Variants in OSBPL6 observed in about 807,000 individuals in gnomAD.
OSBPL6 encodes oxysterol-binding protein-related protein 6.
In OSBPL6, 49 loss-of-function variants were observed where a neutral mutation model predicts 125.8. The ratio of observed to expected loss-of-function variants is 0.39; its 90% CI spans 0.31 to 0.49. The LOEUF is 0.49. Ranked by LOEUF, OSBPL6 falls within the 20% of genes least tolerant of loss-of-function variation. OSBPL6 has a pLI of 0.88. For synonymous variants in OSBPL6, 394 were observed against 391.8 expected (o/e 1.01, Z -0.07); for missense variants, 986 against 1,135.4 (o/e 0.87, Z 1.89).
chr2:178,300,232 G>A (rs1440130936), intron 2 of OSBPL6, among the ~76,000 whole-genome samples: 2 of 152,198 alleles, frequency 1.3e-5, no homozygotes, highest in Non-Finnish European at 2.9e-5. Flanking sequence ...GTCCCAATTA[G>A]AAAAAGTGGC....
chr2:178,387,611 G>A (rs964494398), intron 20 of OSBPL6, among the ~76,000 whole-genome samples: 14 of 152,216 alleles, frequency 9.2e-5, no homozygotes, highest in African/African-American at 2.6e-4. Context: ...TTGTTTCTTC[G>A]GTTTTACCTA....
chr2:178,377,891 C>T (rs1694033345), intron 15 of OSBPL6, among the ~76,000 whole-genome samples: 1 of 152,134 alleles, frequency 6.6e-6, no homozygotes, highest in Non-Finnish European at 1.5e-5. Flanking sequence ...TGCAGTGGTG[C>T]AATCTTGCCT....
intron 1 of OSBPL6, among the ~76,000 whole-genome samples, chr2:178,244,959 A>G (rs961272389): frequency 6.6e-6 from 1 of 152,216 alleles, no homozygotes; most frequent in African/African-American, 2.4e-5. Flanking sequence ...TTTTGATTGA[A>G]TGGTAAGTGA....
chr2:178,401,059 G>C lies in OSBPL6; in HGVS notation c.*5500G>C, dbSNP rs1696090004. 1 of 152,206 alleles carries C rather than the reference G, an allele frequency of 6.6e-6. No homozygotes were observed. Among genetic ancestry groups the C allele is most frequent in the South Asian group, 2.1e-4 (1 of 4,824 alleles). 9.4% of individuals were successfully genotyped at this position (152,206 alleles called of 1,614,324 possible). A position where few individuals can be genotyped will look rare whatever the true frequency, so the allele number is the denominator to read the frequency against. ...ATCATTTATTTTTTTATGTCAAAAT[G>C]TCCAAGTAAATTAATGGATTAATTT... On this transcript the variant is annotated 3_prime_UTR_variant, in exon 25 of 25. Coordinates refer to ENST00000190611, the MANE Select transcript of OSBPL6 (RefSeq NM_032523.4).
intron 1 of OSBPL6, among the ~76,000 whole-genome samples, chr2:178,208,517 T>C (rs942185243): frequency 8.5e-5 from 13 of 152,252 alleles, no homozygotes; most frequent in African/African-American, 2.9e-4. Flanking sequence ...CTTATTTGCT[T>C]ATGTTTTGGT....
intron 15 of OSBPL6, among the ~76,000 whole-genome samples, chr2:178,381,037 C>T (rs1694426858): frequency 6.6e-6 from 1 of 152,112 alleles, no homozygotes; most frequent in African/African-American, 2.4e-5. Flanking sequence ...TTTACTCTTA[C>T]TTGTTTTCTA....
chr2:178,195,357 T>C (rs1157107950), intron 1 of OSBPL6, among the ~76,000 whole-genome samples: 1 of 152,320 alleles, frequency 6.6e-6, no homozygotes, highest in East Asian at 1.9e-4. Context: ...AGCGTTTGCA[T>C]TGCAGTCAAG....
At chr2:178,268,262 A>G (rs1222328404) in intron 1 of OSBPL6, among the ~76,000 whole-genome samples, 1 of 151,976 alleles carries the variant, frequency 6.6e-6, no homozygotes, top group Non-Finnish European at 1.5e-5. Context: ...TTGTATTTTT[A>G]GTAGAAACGG....
chr2:178,382,618 T>TTCAA (rs899737186), intron 16 of OSBPL6, 111 bp downstream of exon 16: 1 of 1,492,546 alleles, frequency 6.7e-7, no homozygotes, highest in African/African-American at 1.4e-5. Flanking sequence ...CTGCTAATTG[T>TTCAA]TCTTTTGGCA....
chr2:178,263,986 A>T (rs1392174717), intron 1 of OSBPL6, among the ~76,000 whole-genome samples: 2 of 152,082 alleles, frequency 1.3e-5, no homozygotes, highest in Non-Finnish European at 2.9e-5. Context: ...AACAGAGAGG[A>T]CTGTGGCATG....
At chr2:178,253,920 T>A (rs573042922) in intron 1 of OSBPL6, among the ~76,000 whole-genome samples, 1 of 152,266 alleles carries the variant, frequency 6.6e-6, no homozygotes, top group South Asian at 2.1e-4. Context: ...TAATGTGTTA[T>A]CATGGCAATA....
At chr2:178,238,400 C>T (rs1304823460) in intron 1 of OSBPL6, among the ~76,000 whole-genome samples, 1 of 152,162 alleles carries the variant, frequency 6.6e-6, no homozygotes, top group Non-Finnish European at 1.5e-5. Context: ...GTGTCCAAGT[C>T]ACCCTTATTT....
At chr2:178,310,235 T>A (rs1462849575) in intron 3 of OSBPL6, among the ~76,000 whole-genome samples, 4 of 152,154 alleles carry the variant, frequency 2.6e-5, no homozygotes, top group Non-Finnish European at 5.9e-5. Flanking sequence ...AGTCTTCACC[T>A]GCCCTCAATA....
chr2:178,345,907 A>T (rs1261920013), intron 11 of OSBPL6, among the ~76,000 whole-genome samples: 1 of 152,216 alleles, frequency 6.6e-6, no homozygotes, highest in African/African-American at 2.4e-5. Context: ...TTATATTTTT[A>T]AAATTGAGAG....
intron 1 of OSBPL6, among the ~76,000 whole-genome samples, chr2:178,214,771 C>A (rs1018456637): frequency 1.3e-5 from 2 of 152,072 alleles, no homozygotes; most frequent in East Asian, 1.9e-4. Flanking sequence ...CATAGTGAGA[C>A]CCTGTCTCTT....
chr2:178,245,979 C>G (rs377083959), intron 1 of OSBPL6, among the ~76,000 whole-genome samples: 1 of 152,166 alleles, frequency 6.6e-6, no homozygotes, highest in Admixed American at 6.5e-5. Flanking sequence ...GCACTCCCTG[C>G]TCTTGTAGTT....
At chr2:178,294,456 G>A (rs541128384) in intron 2 of OSBPL6, among the ~76,000 whole-genome samples, 1 of 152,172 alleles carries the variant, frequency 6.6e-6, no homozygotes, top group South Asian at 2.1e-4. Context: ...ATTGGAAAAC[G>A]TTTTTTGAAA....
At chr2:178,197,083 T>C (rs1047438160) in intron 1 of OSBPL6, among the ~76,000 whole-genome samples, 2 of 151,862 alleles carry the variant, frequency 1.3e-5, no homozygotes, top group African/African-American at 4.8e-5. Flanking sequence ...TGTTGTTTCC[T>C]GGGCACACGT....
At chr2:178,264,041 C>A (rs2092151997) in intron 1 of OSBPL6, among the ~76,000 whole-genome samples, 1 of 152,082 alleles carries the variant, frequency 6.6e-6, no homozygotes, top group Non-Finnish European at 1.5e-5. Flanking sequence ...GGCCTCCCTT[C>A]CTGGTCACCC....
Sources: allele counts gnomAD v4.1 joint callset (sites outside exome capture counted in the v4.1 genomes callset), GRCh38; gene constraint gnomAD v4.1.1; transcripts MANE v1.5; gene names NCBI Gene and HGNC (gene_info 2026-07-23, HGNC 2026-07-21).